The following VAC14 variants were observed in gnomAD, a reference collection of about 807,000 sequenced individuals.
The protein encoded by VAC14 is protein VAC14 homolog.
A neutral mutation model predicts 85.3 loss-of-function variants in VAC14; 47 were observed. That is an observed-to-expected ratio of 0.55 (90% CI 0.44 to 0.70). VAC14 has a LOEUF of 0.70. VAC14 is among the 30% of genes least tolerant of loss of function. VAC14 has a pLI of 0.00. For synonymous variants in VAC14, 447 were observed against 430.5 expected (o/e 1.04, Z -0.47); for missense variants, 861 against 1,004.3 (o/e 0.86, Z 1.93).
intron 10 of VAC14, chr16:70,766,440 C>T (rs200027668): frequency 4.4e-6 from 2 of 454,810 alleles, no homozygotes; most frequent in Non-Finnish European, 4.4e-6. Flanking sequence ...ACTTTCTCCA[C>T]AGCAAACACC....
chr16:70,763,363 C>T (rs2032562585), intron 10 of VAC14, among the ~76,000 whole-genome samples: 1 of 152,206 alleles, frequency 6.6e-6, no homozygotes, highest in South Asian at 2.1e-4. Context: ...TTCTCCAGCA[C>T]CAGCCTGGCT....
rs116480728 is a variant in VAC14 at position 70,705,788 on chromosome 16, G to A, written c.1662-6977C>T. ...CTGGCAAGTTCCAGGAGGGGTGGGT[G>A]TACCCCACCTCCTCAGTTTTCCCCT... On this transcript the variant is annotated intron_variant, in intron 14 of 18. Coordinates refer to ENST00000261776, the MANE Select transcript of VAC14 (RefSeq NM_018052.5). Among the ~76,000 whole-genome samples, 1,316 of 152,276 alleles carry A rather than the reference G, an allele frequency of 8.6e-3. 17 individuals are homozygous for A. The highest frequency in any genetic ancestry group is 0.03 in the African/African-American group (1,248 of 41,562).
intron 14 of VAC14, among the ~76,000 whole-genome samples, chr16:70,707,614 C>T (rs985146417): frequency 3.3e-5 from 5 of 152,184 alleles, no homozygotes; most frequent in Admixed American, 2.6e-4. Flanking sequence ...GAAGCCTCAG[C>T]CCCCCAGGAT....
chr16:70,743,050 T>C (rs2030505140), intron 13 of VAC14, among the ~76,000 whole-genome samples: 1 of 151,920 alleles, frequency 6.6e-6, no homozygotes, highest in African/African-American at 2.4e-5. Flanking sequence ...ATCAGCACTG[T>C]GTGTCTAAAG....
At chr16:70,755,189 C>A in intron 12 of VAC14, 1 of 338,126 alleles carries the variant, frequency 3.0e-6, no homozygotes, top group Non-Finnish European at 5.9e-6. Context: ...AGAAGGTCAG[C>A]CAGGTGGAAG....
intron 14 of VAC14, among the ~76,000 whole-genome samples, chr16:70,709,339 G>A (rs1275168540): frequency 6.7e-6 from 1 of 149,222 alleles, no homozygotes; most frequent in East Asian, 2.0e-4. Flanking sequence ...ACACTTTTCC[G>A]GGAAGACAGT....
At chr16:70,713,973 A>G (rs1311915331) in intron 14 of VAC14, 1 of 152,262 alleles carries the variant, frequency 6.6e-6, no homozygotes, top group Non-Finnish European at 1.5e-5. Flanking sequence ...AAACACCACA[A>G]AAATGAAACG....
intron 17 of VAC14, among the ~76,000 whole-genome samples, chr16:70,693,603 G>A (rs2053643994): frequency 2.0e-5 from 3 of 152,192 alleles, no homozygotes; most frequent in African/African-American, 4.8e-5. Flanking sequence ...CACCCGGGGG[G>A]CTGCCCAGCA....
intron 14 of VAC14, among the ~76,000 whole-genome samples, chr16:70,705,391 G>A (rs1008894429): frequency 6.6e-6 from 1 of 152,268 alleles, no homozygotes; most frequent in Non-Finnish European, 1.5e-5. Flanking sequence ...CTTGGTGGAC[G>A]CAGCCTGCCT....
In VAC14 at chr16:70,729,298, G is replaced by C. The variant is rs946653932; in HGVS notation, c.1661+2197C>G. Among the ~76,000 whole-genome samples, 16 of 152,214 alleles carry C rather than the reference G, an allele frequency of 1.1e-4. 1 individual carries two copies. Among genetic ancestry groups the C allele is most frequent in the Non-Finnish European group, 5.9e-5 (4 of 68,036 alleles). On this transcript the variant is annotated intron_variant, in intron 14 of 18. Transcript: ENST00000261776. ...TCTAGAAGAGCCCAGAGAAGCAAGA[G>C]GGTGGTGACAGCCTCCCCACTATCA...
intron 7 of VAC14, 127 bp from the exon 8 acceptor site, chr16:70,782,130 C>T: frequency 7.8e-7 from 1 of 1,290,036 alleles, no homozygotes; most frequent in Non-Finnish European, 1.1e-6. Context: ...CTTCCAGCCT[C>T]ACCAATGCTC....
chr16:70,691,850 G>A (rs1597844413), intron 18 of VAC14: 5 of 985,430 alleles, frequency 5.1e-6, no homozygotes, highest in Middle Eastern at 5.2e-4. Context: ...CAGGGCCTCC[G>A]GGCAGGCCTG....
intron 14 of VAC14, chr16:70,700,296 C>A (rs1452790009): frequency 2.6e-5 from 4 of 152,264 alleles, no homozygotes; most frequent in African/African-American, 7.2e-5. Context: ...CCACGAGAAA[C>A]AGAAACAAGC....
At position 70,688,102 on chromosome 16, in the gene VAC14, G is replaced by A. The variant is rs901958845; in HGVS notation, c.2187-12C>T. On this transcript the variant is annotated splice_polypyrimidine_tract_variant and intron_variant, in intron 18 of 18. Coordinates refer to ENST00000261776, the MANE Select transcript of VAC14 (RefSeq NM_018052.5). ...CCTTTAGACTGTCTCTGGGAAGAGGGAGCAGAAATGCTCAGTGTCAGGGAT... is the reference window on the plus strand; with the variant it reads ...CCTTTAGACTGTCTCTGGGAAGAGGAAGCAGAAATGCTCAGTGTCAGGGAT... 23 of 1,543,952 alleles carry A rather than the reference G, an allele frequency of 1.5e-5. No individual in the cohort carries two copies. Among genetic ancestry groups the A allele is most frequent in the Non-Finnish European group, 1.8e-5 (21 of 1,137,408 alleles).
At chr16:70,763,846 G>A (rs573151776) in intron 10 of VAC14, among the ~76,000 whole-genome samples, 1 of 152,328 alleles carries the variant, frequency 6.6e-6, no homozygotes, top group East Asian at 1.9e-4. Flanking sequence ...GGCTTGAGTT[G>A]GTTTTTTGCC....
chr16:70,713,709 GTTTTTTTT>G (rs34017623), intron 14 of VAC14, among the ~76,000 whole-genome samples: 25 of 133,708 alleles, frequency 1.9e-4, no homozygotes, highest in Non-Finnish European at 3.4e-4. Context: ...CTTTGTTTTT[GTTTTTTTT>G]TTTTTTTGTA....
chr16:70,701,718 C>T (rs983691402), intron 14 of VAC14, among the ~76,000 whole-genome samples: 1 of 152,230 alleles, frequency 6.6e-6, no homozygotes, highest in Non-Finnish European at 1.5e-5. Flanking sequence ...GCGGCTTCCG[C>T]CTGGATCTGA....
chr16:70,694,523 G>A (rs1051657913), intron 17 of VAC14, among the ~76,000 whole-genome samples: 2 of 152,176 alleles, frequency 1.3e-5, no homozygotes, highest in African/African-American at 2.4e-5. Flanking sequence ...GGATGGGAAC[G>A]GGTGTTCTTC....
intron 14 of VAC14, among the ~76,000 whole-genome samples, chr16:70,708,548 GGT>G (rs2053966371): frequency 6.6e-6 from 1 of 152,234 alleles, no homozygotes; most frequent in Non-Finnish European, 1.5e-5. Context: ...GAACTCAGCA[GGT>G]GTTTGACTCA....
Sources: allele counts gnomAD v4.1 joint callset (sites outside exome capture counted in the v4.1 genomes callset), GRCh38; gene constraint gnomAD v4.1.1; transcripts MANE v1.5; gene names NCBI Gene and HGNC (gene_info 2026-07-23, HGNC 2026-07-21).